FAM114A1: variants seen among roughly 807,000 people sequenced by gnomAD.
FAM114A1 encodes protein NOXP20.
A neutral mutation model predicts 64.3 loss-of-function variants in FAM114A1; 62 were observed. The observed-to-expected ratio is 0.96, with a 90% CI of 0.79 to 1.19. FAM114A1 has a LOEUF of 1.19. FAM114A1 is among the 50% of genes most tolerant of loss of function. The pLI is 0.00. For synonymous variants in FAM114A1, 254 were observed against 251.1 expected (o/e 1.01, Z -0.11); for missense variants, 645 against 676.3 (o/e 0.95, Z 0.51).
At chr4:38,936,593 C>T (rs185777852) in intron 13 of FAM114A1, among the ~76,000 whole-genome samples, 1 of 147,432 alleles carries the variant, frequency 6.8e-6, no homozygotes, top group East Asian at 2.0e-4. Context: ...CGCCCTGTCG[C>T]CCAGCCTGGA....
At chr4:38,868,700 G>A (rs1230071321) in intron 2 of FAM114A1, among the ~76,000 whole-genome samples, 154 bp downstream of exon 2, 1 of 152,202 alleles carries the variant, frequency 6.6e-6, no homozygotes, top group Non-Finnish European at 1.5e-5. Context: ...ACAGGCAGGT[G>A]GCTTCTTAAA....
intron 9 of FAM114A1, among the ~76,000 whole-genome samples, chr4:38,926,733 G>A (rs1362355360): frequency 6.6e-6 from 1 of 152,176 alleles, no homozygotes; most frequent in Non-Finnish European, 1.5e-5. Context: ...TAGGATTACA[G>A]GCGTGAGCCA....
intron 13 of FAM114A1, among the ~76,000 whole-genome samples, chr4:38,940,705 A>G (rs975572585): frequency 6.6e-6 from 1 of 152,178 alleles, no homozygotes. Context: ...TAAGCAAGTT[A>G]CTCAACCTTT....
At chr4:38,869,599 G>C (rs1713819903) in intron 2 of FAM114A1, among the ~76,000 whole-genome samples, 1 of 152,188 alleles carries the variant, frequency 6.6e-6, no homozygotes, top group Admixed American at 6.5e-5. Flanking sequence ...GAATAGGCTG[G>C]AGCCTGGGTA....
intron 3 of FAM114A1, among the ~76,000 whole-genome samples, chr4:38,886,592 A>G (rs1237063299): frequency 6.6e-6 from 1 of 152,076 alleles, no homozygotes; most frequent in East Asian, 1.9e-4. Flanking sequence ...TAGAGGAATC[A>G]TGTGCATGAT....
chr4:38,874,331 G>A (rs538893466), intron 2 of FAM114A1, among the ~76,000 whole-genome samples: 1 of 152,230 alleles, frequency 6.6e-6, no homozygotes, highest in Admixed American at 6.5e-5. Context: ...GTGAAAGCGT[G>A]GTAAATGACA....
At chr4:38,901,857 A>G (rs1717557769) in intron 4 of FAM114A1, among the ~76,000 whole-genome samples, 2 of 152,198 alleles carry the variant, frequency 1.3e-5, no homozygotes, top group African/African-American at 4.8e-5. Flanking sequence ...TGCCATCACT[A>G]GACACAGTTG....
chr4:38,935,767 A>G lies in FAM114A1; in HGVS notation c.1513A>G (p.Thr505Ala), dbSNP rs184115370. 1.9e-6 allele frequency: 3 copies of G among 1,611,680 alleles called. No individual in the cohort carries two copies. Among genetic ancestry groups the G allele is most frequent in the East Asian group, 2.2e-5 (1 of 44,854 alleles). Residue 505 changes from threonine (T) to alanine (A), a missense_variant, in exon 13 of 15, where the codon ACG becomes GCG. Coordinates refer to ENST00000358869, the MANE Select transcript of FAM114A1 (RefSeq NM_138389.4). Reference protein sequence around the residue: ...NEVASLSKKFTNSLTTVGSNK... With the variant: ...NEVASLSKKFANSLTTVGSNK... Reference sequence around the variant, plus strand: ...AGTGGCCTCTTTATCAAAGAAGTTTACGAATTCTTTAACCACTGTTGGGGT... The same window carrying G: ...AGTGGCCTCTTTATCAAAGAAGTTTGCGAATTCTTTAACCACTGTTGGGGT...
intron 10 of FAM114A1, among the ~76,000 whole-genome samples, chr4:38,930,806 G>A (rs1319746265): frequency 1.3e-5 from 2 of 152,184 alleles, no homozygotes; most frequent in Non-Finnish European, 2.9e-5. Flanking sequence ...GTTTCTGATT[G>A]TTTAATTTAG....
chr4:38,897,159 G>T (rs1717019490), intron 4 of FAM114A1, among the ~76,000 whole-genome samples: 1 of 152,196 alleles, frequency 6.6e-6, no homozygotes, highest in Admixed American at 6.5e-5. Flanking sequence ...GGTCCTGAAT[G>T]CTGCTAACTT....
chr4:38,931,158 T>C (rs2109784033), intron 10 of FAM114A1, among the ~76,000 whole-genome samples: 1 of 152,342 alleles, frequency 6.6e-6, no homozygotes, highest in South Asian at 2.1e-4. Flanking sequence ...TCAATGTGAC[T>C]GTCATTTTTA....
intron 7 of FAM114A1, among the ~76,000 whole-genome samples, chr4:38,911,336 A>C (rs1718508630): frequency 1.3e-5 from 2 of 152,248 alleles, no homozygotes; most frequent in African/African-American, 4.8e-5. Context: ...CTCATCTTCC[A>C]GGAACAGGTC....
chr4:38,909,045 TACAC>T (rs1233910576), intron 7 of FAM114A1, among the ~76,000 whole-genome samples: 1 of 152,194 alleles, frequency 6.6e-6, no homozygotes, highest in Non-Finnish European at 1.5e-5. Flanking sequence ...TGCACATAAA[TACAC>T]ACATATTTTT....
chr4:38,907,239 C>G (rs1718096531), intron 6 of FAM114A1, among the ~76,000 whole-genome samples: 1 of 152,118 alleles, frequency 6.6e-6, no homozygotes, highest in South Asian at 2.1e-4. Context: ...GTCAACCACC[C>G]CCGTGGGGGG....
rs147121097 is a variant in FAM114A1, at chr4:38,922,005, G to A, written c.946-765G>A. 3.4e-3 allele frequency among the ~76,000 whole-genome samples: 518 copies of A among 152,216 alleles called. 5 individuals carry two copies. The highest frequency in any genetic ancestry group is 0.012 in the African/African-American group (483 of 41,536). On this transcript the variant is annotated intron_variant, in intron 8 of 14. Transcript: ENST00000358869. ...TCACCAGGTTGGAGTGCAGTGGCGC[G>A]ATCTCGGCTCACTGCAAACTCCGAC...
At chr4:38,871,350 C>G (rs899717656) in intron 2 of FAM114A1, among the ~76,000 whole-genome samples, 4 of 151,632 alleles carry the variant, frequency 2.6e-5, no homozygotes, top group African/African-American at 9.7e-5. Flanking sequence ...CCTTGGCCTC[C>G]CAAAGTGCTG....
intron 4 of FAM114A1, among the ~76,000 whole-genome samples, chr4:38,895,566 C>T (rs141959383): frequency 3.9e-5 from 6 of 152,286 alleles, no homozygotes; most frequent in Non-Finnish European, 7.4e-5. Context: ...GTTTACACTC[C>T]GGCTCACACT....
chr4:38,923,463 T>C (rs9995219), intron 9 of FAM114A1, among the ~76,000 whole-genome samples: 29,902 of 151,922 alleles, frequency 0.2, 3,155 homozygotes, highest in Middle Eastern at 0.3. Context: ...CCTCATGATC[T>C]GCCTGCCTCG....
At chr4:38,925,809 G>A (rs893079655) in intron 9 of FAM114A1, among the ~76,000 whole-genome samples, 1 of 151,888 alleles carries the variant, frequency 6.6e-6, no homozygotes, top group Non-Finnish European at 1.5e-5. Context: ...TGTAGTAATA[G>A]GTATTGTTTG....
Sources: allele counts gnomAD v4.1 joint callset (sites outside exome capture counted in the v4.1 genomes callset), GRCh38; gene constraint gnomAD v4.1.1; transcripts MANE v1.5; gene names NCBI Gene and HGNC (gene_info 2026-07-23, HGNC 2026-07-21).